The following SPIDR variants were observed in gnomAD, a reference collection of about 807,000 sequenced individuals.
The protein encoded by SPIDR is scaffold protein involved in DNA repair.
Under a neutral mutation model 104.6 loss-of-function variants are expected in SPIDR, and 93 were observed. The ratio of observed to expected loss-of-function variants is 0.89; its 90% CI spans 0.75 to 1.06. The LOEUF is 1.06. SPIDR is among the 50% of genes least tolerant of loss of function. The pLI is 0.00. For synonymous variants in SPIDR, 431 were observed against 416.9 expected (o/e 1.03, Z -0.41); for missense variants, 1,154 against 1,111.2 (o/e 1.04, Z -0.55).
intron 7 of SPIDR, among the ~76,000 whole-genome samples, chr8:47,420,018 G>A (rs1188989491): frequency 1.4e-4 from 21 of 152,170 alleles, no homozygotes; most frequent in Non-Finnish European, 3.1e-4. Context: ...ATTTCCTGAG[G>A]AGTGCTTTAT....
intron 5 of SPIDR, among the ~76,000 whole-genome samples, chr8:47,337,536 T>A (rs1333162142): frequency 2.6e-5 from 4 of 152,140 alleles, no homozygotes; most frequent in African/African-American, 9.7e-5. Context: ...TTCCCATCAT[T>A]GGGTTTTATT....
At chr8:47,410,688 T>C (rs1207178269) in intron 7 of SPIDR, among the ~76,000 whole-genome samples, 2 of 152,092 alleles carry the variant, frequency 1.3e-5, no homozygotes, top group Non-Finnish European at 2.9e-5. Flanking sequence ...TTTTAAGTTT[T>C]AGGGTACATG....
At chr8:47,723,340 C>G (rs2083693676) in intron 16 of SPIDR, among the ~76,000 whole-genome samples, 1 of 150,728 alleles carries the variant, frequency 6.6e-6, no homozygotes. Flanking sequence ...CCACTTGTTT[C>G]TTTATCTTCC....
At chr8:47,549,483 C>A (rs996376831) in intron 8 of SPIDR, among the ~76,000 whole-genome samples, 1 of 152,196 alleles carries the variant, frequency 6.6e-6, no homozygotes, top group African/African-American at 2.4e-5. Flanking sequence ...GAGATACTAT[C>A]TCATTGTGGT....
chr8:47,611,411 A>G (rs1284495751), intron 10 of SPIDR, among the ~76,000 whole-genome samples: 1 of 152,134 alleles, frequency 6.6e-6, no homozygotes, highest in Admixed American at 6.5e-5. Context: ...TTATAAAGAA[A>G]ATAGAGGCTG....
chr8:47,463,107 C>T (rs1276116542), intron 8 of SPIDR, among the ~76,000 whole-genome samples: 1 of 152,000 alleles, frequency 6.6e-6, no homozygotes. Flanking sequence ...GCCTGTAATC[C>T]CAGCACTTTG....
At chr8:47,314,467 G>T (rs1171258571) in intron 5 of SPIDR, among the ~76,000 whole-genome samples, 1 of 152,174 alleles carries the variant, frequency 6.6e-6, no homozygotes, top group African/African-American at 2.4e-5. Flanking sequence ...GTTCAGCATG[G>T]CTGGGGAGGC....
chr8:47,568,791 C>T (rs1046342654), intron 8 of SPIDR, among the ~76,000 whole-genome samples: 6 of 152,126 alleles, frequency 3.9e-5, no homozygotes, highest in African/African-American at 1.2e-4. Context: ...TCAATGTACT[C>T]CAAGCAAGAT....
At chr8:47,292,530 T>G (rs868935037) in intron 4 of SPIDR, among the ~76,000 whole-genome samples, 2,784 of 152,292 alleles carry the variant, frequency 0.018, 93 homozygotes, top group African/African-American at 0.063. Flanking sequence ...ATTACACATG[T>G]GAGCTGTCGC....
At chr8:47,670,476 T>C (rs192267099) in intron 10 of SPIDR, among the ~76,000 whole-genome samples, 2 of 152,210 alleles carry the variant, frequency 1.3e-5, no homozygotes, top group African/African-American at 2.4e-5. Flanking sequence ...CCAGCCAAAC[T>C]GCCCATAAAG....
intron 5 of SPIDR, among the ~76,000 whole-genome samples, chr8:47,333,099 C>T (rs2049055144): frequency 6.6e-6 from 1 of 152,108 alleles, no homozygotes; most frequent in African/African-American, 2.4e-5. Flanking sequence ...TACACAGGGT[C>T]AGGATCATCA....
intron 11 of SPIDR, among the ~76,000 whole-genome samples, chr8:47,690,365 A>C (rs1296076090): frequency 6.6e-6 from 1 of 151,890 alleles, no homozygotes; most frequent in Non-Finnish European, 1.5e-5. Context: ...TTTTTTTTAC[A>C]AAGTTACTAA....
At chr8:47,385,669 TTGGAA>T (rs1174780034) in intron 5 of SPIDR, among the ~76,000 whole-genome samples, 1 of 152,266 alleles carries the variant, frequency 6.6e-6, no homozygotes, top group Non-Finnish European at 1.5e-5. Context: ...TCACGTTTCC[TTGGAA>T]TGCCTTTTTG....
At chr8:47,429,811 T>A (rs10099754) in intron 7 of SPIDR, among the ~76,000 whole-genome samples, 6,320 of 151,088 alleles carry the variant, frequency 0.042, 342 homozygotes, top group African/African-American at 0.12. Context: ...TTATATATAT[T>A]TTTTTTATTT....
chr8:47,609,285 G>T (rs2063339838), intron 10 of SPIDR, among the ~76,000 whole-genome samples: 1 of 152,086 alleles, frequency 6.6e-6, no homozygotes, highest in Non-Finnish European at 1.5e-5. Flanking sequence ...TATTGCTTGT[G>T]TTTTCAGGGT....
intron 8 of SPIDR, among the ~76,000 whole-genome samples, chr8:47,586,899 G>T (rs1316800821): frequency 6.6e-6 from 1 of 152,162 alleles, no homozygotes; most frequent in African/African-American, 2.4e-5. Context: ...CTCCCGAGTA[G>T]CTGGAACTAC....
At chr8:47,419,294 G>C (rs1554677986) in intron 7 of SPIDR, 1 of 152,168 alleles carries the variant, frequency 6.6e-6, no homozygotes, top group East Asian at 1.9e-4. Flanking sequence ...CTCAATTTCA[G>C]AGCCTGTTAT....
chr8:47,414,940 G>T (rs1231283900), intron 7 of SPIDR, among the ~76,000 whole-genome samples: 4 of 152,030 alleles, frequency 2.6e-5, no homozygotes, highest in African/African-American at 7.2e-5. Context: ...GTCTCGCTCT[G>T]TTGCCCAGGC....
chr8:47,573,448 G>A (rs1032985564), intron 8 of SPIDR, among the ~76,000 whole-genome samples: 2 of 152,190 alleles, frequency 1.3e-5, no homozygotes, highest in Non-Finnish European at 2.9e-5. Flanking sequence ...TGTCATGAGC[G>A]CAGTAGCTGC....
Sources: allele counts gnomAD v4.1 joint callset (sites outside exome capture counted in the v4.1 genomes callset), GRCh38; gene constraint gnomAD v4.1.1; transcripts MANE v1.5; gene names NCBI Gene and HGNC (gene_info 2026-07-23, HGNC 2026-07-21).